Variants in CSMD1 observed in about 807,000 individuals in gnomAD.
CSMD1 encodes CUB and sushi domain-containing protein 1.
Under a neutral mutation model 417.5 loss-of-function variants are expected in CSMD1, and 213 were observed. That is an observed-to-expected ratio of 0.51 (90% CI 0.46 to 0.57). The LOEUF (loss-of-function observed/expected upper bound fraction) is 0.57. CSMD1 is among the 20% of genes least tolerant of loss of function. CSMD1 has a pLI of 0.00. For synonymous variants in CSMD1, 2,862 were observed against 1,736.8 expected, an observed-to-expected ratio of 1.65 and a Z score of -16.11; for missense variants, 6,923 against 4,529.7, an observed-to-expected ratio of 1.53 and a Z score of -15.17.
At chr8:4,809,287 G>C (rs898091625) in intron 1 of CSMD1, among the ~76,000 whole-genome samples, 22 of 152,162 alleles carry the variant, frequency 1.4e-4, no homozygotes, top group African/African-American at 4.1e-4. Flanking sequence ...ATCATTAAAT[G>C]TGTTATACAT....
intron 26 of CSMD1, among the ~76,000 whole-genome samples, chr8:3,233,706 A>T (rs1015510746): frequency 6.6e-6 from 1 of 151,992 alleles, no homozygotes; most frequent in African/African-American, 2.4e-5. Context: ...CCAATTTCTC[A>T]TGTAAACTAA....
intron 1 of CSMD1, among the ~76,000 whole-genome samples, chr8:4,726,303 T>C (rs1809439253): frequency 6.6e-6 from 1 of 151,526 alleles, no homozygotes; most frequent in Non-Finnish European, 1.5e-5. Context: ...ACTAAGTGGG[T>C]AGCGGGTTCT....
At chr8:3,740,666 G>C (rs940012082) in intron 6 of CSMD1, among the ~76,000 whole-genome samples, 1 of 152,166 alleles carries the variant, frequency 6.6e-6, no homozygotes, top group African/African-American at 2.4e-5. Context: ...TAGATTTTAC[G>C]AGATGTATTG....
At chr8:3,585,141 G>C (rs769637068) in intron 9 of CSMD1, among the ~76,000 whole-genome samples, 1 of 152,106 alleles carries the variant, frequency 6.6e-6, no homozygotes, top group Non-Finnish European at 1.5e-5. Context: ...AGTGGTTATA[G>C]GGACCAGGTA....
At chr8:4,755,796 T>C (rs1811630204) in intron 1 of CSMD1, among the ~76,000 whole-genome samples, 2 of 152,194 alleles carry the variant, frequency 1.3e-5, no homozygotes, top group Non-Finnish European at 2.9e-5. Context: ...CGCTATTTTT[T>C]CCATTCTTAA....
intron 1 of CSMD1, among the ~76,000 whole-genome samples, chr8:4,881,024 TC>T (rs1333133744): frequency 6.6e-6 from 1 of 151,838 alleles, no homozygotes; most frequent in Non-Finnish European, 1.5e-5. Context: ...CCTATCCAAA[TC>T]CTCCCATTTT....
chr8:3,923,147 C>A (rs1000728255), intron 5 of CSMD1, among the ~76,000 whole-genome samples: 4 of 152,092 alleles, frequency 2.6e-5, no homozygotes, highest in African/African-American at 9.7e-5. Flanking sequence ...GGGTCCCAGA[C>A]CACGCCGAAG....
chr8:3,634,951 C>G (rs184235216), intron 7 of CSMD1, among the ~76,000 whole-genome samples: 132 of 152,098 alleles, frequency 8.7e-4, no homozygotes, highest in Admixed American at 7.9e-3. Flanking sequence ...TGTGACTGTA[C>G]TGAATAATGC....
chr8:3,536,797 G>A (rs896701638), intron 10 of CSMD1, among the ~76,000 whole-genome samples: 9 of 152,108 alleles, frequency 5.9e-5, no homozygotes, highest in African/African-American at 2.2e-4. Context: ...TTCAGCACCG[G>A]GAATGCTGTT....
chr8:4,289,802 G>A (rs1031590462), intron 3 of CSMD1, among the ~76,000 whole-genome samples: 2 of 152,134 alleles, frequency 1.3e-5, no homozygotes, highest in Non-Finnish European at 2.9e-5. Flanking sequence ...ATCCACCTTT[G>A]TCTGCCATGT....
chr8:4,737,776 A>G (rs924165857), intron 1 of CSMD1, among the ~76,000 whole-genome samples: 2 of 152,232 alleles, frequency 1.3e-5, no homozygotes, highest in Non-Finnish European at 2.9e-5. Context: ...GAAGACATAG[A>G]AACAAATAGT....
At chr8:3,278,124 A>G (rs184802247) in intron 26 of CSMD1, among the ~76,000 whole-genome samples, 1 of 152,314 alleles carries the variant, frequency 6.6e-6, no homozygotes, top group Non-Finnish European at 1.5e-5. Flanking sequence ...CCAATGATAG[A>G]GTGACCCTTG....
chr8:4,174,377 C>T lies in CSMD1; in HGVS notation c.416-142278G>A, dbSNP rs546003979. On this transcript the variant is annotated intron_variant, in intron 3 of 69. Coordinates refer to ENST00000635120, the MANE Select transcript of CSMD1 (RefSeq NM_033225.6). ...AGTCTCTGAGAGAGCAAGTCATTTGCGCAAGGCCTAATTCCTTTAAATTAA... is the reference window on the plus strand; with the variant it reads ...AGTCTCTGAGAGAGCAAGTCATTTGTGCAAGGCCTAATTCCTTTAAATTAA... Among the ~76,000 whole-genome samples, 15 of 152,136 alleles carry T rather than the reference C, an allele frequency of 9.9e-5. No individual in the cohort carries two copies. The South Asian group carries it at 1.0e-3, about 11-fold the overall frequency.
intron 3 of CSMD1, among the ~76,000 whole-genome samples, chr8:4,095,779 C>A (rs1204633242): frequency 3.3e-5 from 5 of 152,064 alleles, no homozygotes; most frequent in African/African-American, 4.8e-5. Context: ...GAATTCAGTT[C>A]TAAGGTTTTA....
At chr8:4,969,063 T>TGTAG in intron 1 of CSMD1, among the ~76,000 whole-genome samples, 1 of 152,238 alleles carries the variant, frequency 6.6e-6, no homozygotes. Context: ...AATGCCACCA[T>TGTAG]GTAGGTAAAG....
At chr8:3,493,572 G>A (rs7845810) in intron 11 of CSMD1, 51 bp downstream of exon 11, 68,544 of 1,456,718 alleles carry the variant, frequency 0.047, 1,833 homozygotes, top group African/African-American at 0.064. Flanking sequence ...TCCACCCACC[G>A]TGCCCCGCAC....
At chr8:4,199,338 G>C (rs372204282) in intron 3 of CSMD1, among the ~76,000 whole-genome samples, 2 of 152,178 alleles carry the variant, frequency 1.3e-5, no homozygotes, top group Non-Finnish European at 1.5e-5. Flanking sequence ...TGTATCTGAA[G>C]TCTACCTCTA....
chr8:3,801,837 C>A (rs754966440), intron 5 of CSMD1, among the ~76,000 whole-genome samples: 3 of 151,976 alleles, frequency 2.0e-5, no homozygotes, highest in Non-Finnish European at 4.4e-5. Context: ...ACTGAGGGAC[C>A]AGAATCATTA....
chr8:3,909,323 C>T (rs765769562), intron 5 of CSMD1, among the ~76,000 whole-genome samples: 1 of 152,080 alleles, frequency 6.6e-6, no homozygotes, highest in Non-Finnish European at 1.5e-5. Flanking sequence ...TAGGGTGATT[C>T]GTGTGGGCAT....
Sources: gnomAD v4.1 joint callset for allele counts (sites outside exome capture counted in the v4.1 genomes callset) on GRCh38, gnomAD v4.1.1 for gene constraint, MANE v1.5 for transcripts, NCBI Gene and HGNC (gene_info 2026-07-23, HGNC 2026-07-21) for gene names.